The following APPBP2 variants were observed in gnomAD, a reference collection of about 807,000 sequenced individuals.
APPBP2 encodes the protein amyloid beta precursor protein binding protein 2.
A neutral mutation model predicts 76.0 loss-of-function variants in APPBP2; 15 were observed. The observed-to-expected ratio is 0.20, with a 90% CI of 0.13 to 0.30. The LOEUF is 0.30. APPBP2 is among the 10% of genes least tolerant of loss of function. APPBP2 has a pLI of 1.00. For missense variants in APPBP2, 401 were observed against 687.2 expected (o/e 0.58, Z 4.66); for synonymous variants, 222 against 242.2 (o/e 0.92, Z 0.77).
At chr17:60,493,829 C>T (rs749821427) in intron 3 of APPBP2, among the ~76,000 whole-genome samples, 5 of 150,894 alleles carry the variant, frequency 3.3e-5, no homozygotes, top group African/African-American at 4.9e-5. Flanking sequence ...TTACTAGAGA[C>T]AGGATTTCGC....
chr17:60,452,587 TCTCA>T (rs980418135), intron 11 of APPBP2, among the ~76,000 whole-genome samples: 4 of 152,210 alleles, frequency 2.6e-5, no homozygotes, highest in African/African-American at 9.6e-5. Context: ...AAAGAAGACC[TCTCA>T]CTCTTTACTT....
At chr17:60,485,617 C>A (rs986961684) in intron 3 of APPBP2, among the ~76,000 whole-genome samples, 12 of 152,176 alleles carry the variant, frequency 7.9e-5, no homozygotes, top group South Asian at 2.1e-4. Flanking sequence ...TGCTAGTGGT[C>A]TATCAATTTT....
Position 60,459,511 on chromosome 17 carries a change from G to A in APPBP2, c.1061+1152C>T, listed in dbSNP as rs1296051333. 8.6e-5 allele frequency: 9 copies of A among 105,024 alleles called. 1 individual carries two copies. Among genetic ancestry groups the A allele is most frequent in the African/African-American group, 7.0e-4 (9 of 12,824 alleles). The allele number at this position is 105,024 out of a possible 1,614,324, so 6.5% of individuals were successfully genotyped here. On this transcript the variant is annotated intron_variant, in intron 9 of 12. Coordinates refer to ENST00000083182, the MANE Select transcript of APPBP2 (RefSeq NM_006380.5). ...TCCCTTTTTTTTTTTTTTTTTTTTG[G>A]AGACAGAGTCTCACTCTGTTGCCTA...
At chr17:60,520,611 A>G (rs2091002178) in intron 1 of APPBP2, among the ~76,000 whole-genome samples, 1 of 152,090 alleles carries the variant, frequency 6.6e-6, no homozygotes, top group African/African-American at 2.4e-5. Context: ...TGAAAACAAT[A>G]CATAGAACAC....
intron 1 of APPBP2, among the ~76,000 whole-genome samples, chr17:60,519,598 G>A (rs1019860836): frequency 6.6e-6 from 1 of 151,876 alleles, no homozygotes; most frequent in South Asian, 2.1e-4. Context: ...AAGAGTCCAA[G>A]GTTGCAGTGA....
At position 60,480,168 on chromosome 17, in the gene APPBP2, T is replaced by A. The variant is rs542986791; in HGVS notation, c.380-897A>T. 2.0e-5 allele frequency among the ~76,000 whole-genome samples: 3 copies of A among 152,274 alleles called. No individual in the cohort carries two copies. In the East Asian group the frequency reaches 5.8e-4, roughly 29 times the overall value. ...GCACATTAAAAAATCTCTGAAATTATCTGAGACCAGCCTGGGCAATATGGC... is the reference window on the plus strand; with the variant it reads ...GCACATTAAAAAATCTCTGAAATTAACTGAGACCAGCCTGGGCAATATGGC... On this transcript the variant is annotated intron_variant, in intron 3 of 12. Transcript: ENST00000083182.
intron 11 of APPBP2, among the ~76,000 whole-genome samples, chr17:60,454,026 C>CA (rs2090415492): frequency 6.6e-6 from 1 of 152,040 alleles, no homozygotes; most frequent in South Asian, 2.1e-4. Context: ...CATGTGCCAC[C>CA]ACACCTGCCT....
Position 60,488,051 on chromosome 17 carries a change from G to A in APPBP2, c.379+6415C>T, listed in dbSNP as rs144895786. Among the ~76,000 whole-genome samples the A allele has an allele frequency of 1.7e-4, 26 of 152,356 alleles. No homozygotes were observed. In the East Asian group the frequency reaches 5.0e-3, roughly 29 times the overall value. On this transcript the variant is annotated intron_variant, in intron 3 of 12. Coordinates refer to ENST00000083182, the MANE Select transcript of APPBP2 (RefSeq NM_006380.5). ...AAGCTGCAGAACAGCAAATATTGCA[G>A]AACAGCAAATATTGCTGCCTGATCC...
At chr17:60,457,591 A>G (rs2090440918) in intron 9 of APPBP2, among the ~76,000 whole-genome samples, 1 of 151,232 alleles carries the variant, frequency 6.6e-6, no homozygotes, top group African/African-American at 2.4e-5. Context: ...ATGCCCAACT[A>G]ATTTTTTTGC....
chr17:60,470,723 G>A (rs1364167036), intron 4 of APPBP2, among the ~76,000 whole-genome samples: 4 of 151,274 alleles, frequency 2.6e-5, no homozygotes, highest in Non-Finnish European at 5.9e-5. Flanking sequence ...GATTACAGGC[G>A]CCTGCCACCA....
At chr17:60,517,660 C>T (rs1368975841) in intron 1 of APPBP2, among the ~76,000 whole-genome samples, 4 of 152,194 alleles carry the variant, frequency 2.6e-5, no homozygotes, top group African/African-American at 9.6e-5. Context: ...AGTGCTGTCT[C>T]ACTTTTATCA....
intron 4 of APPBP2, among the ~76,000 whole-genome samples, chr17:60,474,435 A>G (rs1363774481): frequency 6.6e-6 from 1 of 152,130 alleles, no homozygotes; most frequent in Non-Finnish European, 1.5e-5. Flanking sequence ...TGGCCTATCA[A>G]AGTGCTGGGA....
chr17:60,512,651 A>G (rs1243933771), intron 1 of APPBP2, among the ~76,000 whole-genome samples: 1 of 151,464 alleles, frequency 6.6e-6, no homozygotes, highest in African/African-American at 2.4e-5. Context: ...ACTGGCCAAC[A>G]TAGTGAAACC....
intron 6 of APPBP2, 87 bp from the exon 7 acceptor site, chr17:60,462,148 G>C (rs1183656352): frequency 1.9e-6 from 2 of 1,027,316 alleles, no homozygotes; most frequent in South Asian, 2.8e-5. Flanking sequence ...GGCTATAAGA[G>C]TTAATAAGAA....
chr17:60,481,986 G>A (rs1157859576), intron 3 of APPBP2, among the ~76,000 whole-genome samples: 3 of 152,188 alleles, frequency 2.0e-5, no homozygotes, highest in Non-Finnish European at 4.4e-5. Context: ...GGGTTCAAGT[G>A]ATTCTCCTAC....
chr17:60,467,995 G>A (rs1400643682), intron 4 of APPBP2, among the ~76,000 whole-genome samples: 1 of 152,146 alleles, frequency 6.6e-6, no homozygotes, highest in Non-Finnish European at 1.5e-5. Flanking sequence ...AAGGAGTTTT[G>A]TTTGCAACAG....
intron 4 of APPBP2, among the ~76,000 whole-genome samples, chr17:60,466,870 T>A (rs2090515062): frequency 6.6e-6 from 1 of 152,226 alleles, no homozygotes. Context: ...TAACACTTGA[T>A]CAGTTACCAC....
In APPBP2 at chr17:60,460,682, C is replaced by A; in HGVS notation, c.1042G>T (p.Gly348Trp). ...YSSYVHQYSS[G>W]KFDNALFHAE... The stretch of plus-strand genomic sequence containing the variant: ...ACTTACAGTGCATTGTCAAATTTCC[C>A]AGAGCTATACTGGTGGACATAAGAA... Residue 348 changes from glycine (G) to tryptophan (W), a missense_variant, in exon 9 of 13, where the codon GGG becomes TGG. Physicochemically the swap from Gly to Trp is radical, Grantham distance 184. Around this residue, in one of 5 missense-constraint regions of APPBP2, gnomAD observed 130 missense variants for 322.7 expected, o/e 0.40. Coordinates refer to ENST00000083182, the MANE Select transcript of APPBP2 (RefSeq NM_006380.5). 1.2e-6 allele frequency: 2 copies of A among 1,611,850 alleles called. No individual in the cohort carries two copies. Among genetic ancestry groups the A allele is most frequent in the Non-Finnish European group, 1.7e-6 (2 of 1,178,962 alleles).
Position 60,453,460 on chromosome 17 carries a change from C to T in APPBP2, c.1338+842G>A, listed in dbSNP as rs192477239. Among the ~76,000 whole-genome samples the T allele has an allele frequency of 4.7e-4, 71 of 152,198 alleles. No individual in the cohort carries two copies. In the East Asian group the frequency reaches 0.012, roughly 26 times the overall value. On this transcript the variant is annotated intron_variant, in intron 11 of 12. Transcript: ENST00000083182. ...TTGGCCTCCCAAAGTGCTGGGATTA[C>T]AGACATGAGCCACTGAGCCCGGCCT...
Sources: allele counts gnomAD v4.1 joint callset (sites outside exome capture counted in the v4.1 genomes callset), GRCh38; gene constraint gnomAD v4.1.1; regional missense constraint gnomAD v4.1.1; transcripts MANE v1.5; gene names NCBI Gene and HGNC (gene_info 2026-07-23, HGNC 2026-07-21).